Variants in ZRANB3 observed in about 807,000 individuals in gnomAD.
ZRANB3 encodes zinc finger RANBP2-type containing 3, also known as DNA annealing helicase and endonuclease ZRANB3.
Under a neutral mutation model 133.8 loss-of-function variants are expected in ZRANB3, and 125 were observed. That is an observed-to-expected ratio of 0.93 (90% confidence interval 0.81 to 1.08). The LOEUF is 1.08. ZRANB3 is among the 50% of genes least tolerant of loss of function. ZRANB3 has a pLI of 0.00. For missense variants in ZRANB3, 1,229 were observed against 1,275.5 expected, an observed-to-expected ratio of 0.96 and a Z score of 0.56; for synonymous variants, 387 against 432.7, an observed-to-expected ratio of 0.89 and a Z score of 1.31.
intron 3 of ZRANB3, among the ~76,000 whole-genome samples, chr2:135,369,994 C>T (rs998141560): frequency 3.3e-5 from 5 of 151,388 alleles, no homozygotes; most frequent in African/African-American, 1.2e-4. Context: ...AGCTATACAC[C>T]CCCACTCATC....
chr2:135,381,968 C>G (rs1448074152), intron 3 of ZRANB3, among the ~76,000 whole-genome samples: 5 of 152,202 alleles, frequency 3.3e-5, no homozygotes, highest in African/African-American at 1.2e-4. Context: ...AGCCCCTCAC[C>G]AGCAACAGAA....
chr2:135,388,023 C>T (rs574273352), intron 3 of ZRANB3, among the ~76,000 whole-genome samples: 19 of 152,208 alleles, frequency 1.2e-4, no homozygotes, highest in African/African-American at 4.3e-4. Flanking sequence ...AAGACATACC[C>T]GAGTCTGGGT....
In ZRANB3 at chr2:135,202,881, T is replaced by C. The variant is rs1693680831; in HGVS notation, c.3092A>G (p.Gln1031Arg). 6.2e-7 allele frequency: 1 copy of C among 1,611,610 alleles called. No homozygotes were observed. Among genetic ancestry groups the C allele is most frequent in the Admixed American group, 1.7e-5 (1 of 59,732 alleles). ...AGTCTGCAGGTTGTCCAGGGAACAC[T>C]GTCCTCCTCCCCCATACACTGGCTT... ...HIKPVYGGGGQCSLDNLQTLC... is the reference protein window; with the variant it reads ...HIKPVYGGGGRCSLDNLQTLC... The change falls in exon 20 of 21, where the codon CAG (glutamine) becomes CGG (arginine). Residue 1031 changes from glutamine (Q) to arginine (R), a missense_variant. Transcript: ENST00000264159.
At chr2:135,524,587 C>T (rs1694075954) in intron 1 of ZRANB3, among the ~76,000 whole-genome samples, 1 of 151,952 alleles carries the variant, frequency 6.6e-6, no homozygotes, top group Non-Finnish European at 1.5e-5. Context: ...AAAAATCTAA[C>T]TAATAAATTA....
chr2:135,434,790 T>C (rs1689461265), intron 2 of ZRANB3, among the ~76,000 whole-genome samples: 1 of 152,218 alleles, frequency 6.6e-6, no homozygotes, highest in South Asian at 2.1e-4. Context: ...ACATTATATA[T>C]GCATTCTTAA....
chr2:135,357,263 G>A (rs1427765896), intron 3 of ZRANB3, among the ~76,000 whole-genome samples: 2 of 151,896 alleles, frequency 1.3e-5, no homozygotes, highest in East Asian at 3.9e-4. Flanking sequence ...ACCACGCCTG[G>A]CTAATTTTTG....
chr2:135,295,026 T>C (rs1300439982), intron 8 of ZRANB3, among the ~76,000 whole-genome samples: 19 of 152,114 alleles, frequency 1.2e-4, no homozygotes, highest in Admixed American at 1.1e-3. Context: ...ACTATGTGGT[T>C]AATTTTGGGA....
At chr2:135,406,135 G>C (rs1008154088) in intron 2 of ZRANB3, among the ~76,000 whole-genome samples, 2 of 151,792 alleles carry the variant, frequency 1.3e-5, no homozygotes, top group Non-Finnish European at 2.9e-5. Flanking sequence ...AATGACGAAG[G>C]GGATATCACC....
At chr2:135,435,778 G>A (rs545022610) in intron 2 of ZRANB3, among the ~76,000 whole-genome samples, 26 of 152,248 alleles carry the variant, frequency 1.7e-4, no homozygotes, top group South Asian at 6.2e-4. Context: ...TTGGCCGTAC[G>A]TATGTCTTCT....
intron 12 of ZRANB3, among the ~76,000 whole-genome samples, chr2:135,253,178 G>A (rs1679485130): frequency 6.6e-6 from 1 of 152,328 alleles, no homozygotes; most frequent in South Asian, 2.1e-4. Flanking sequence ...AAGGTCAAAA[G>A]TAGACTTCCT....
intron 8 of ZRANB3, among the ~76,000 whole-genome samples, chr2:135,300,216 C>T (rs1313287824): frequency 6.6e-6 from 1 of 152,170 alleles, no homozygotes; most frequent in Non-Finnish European, 1.5e-5. Context: ...CTAAACACCA[C>T]AAATAATGAG....
chr2:135,432,165 G>A (rs570847555), intron 2 of ZRANB3, among the ~76,000 whole-genome samples: 2 of 152,098 alleles, frequency 1.3e-5, no homozygotes, highest in African/African-American at 2.4e-5. Flanking sequence ...CAGGAGAATC[G>A]CTTGAACCCA....
intron 2 of ZRANB3, among the ~76,000 whole-genome samples, chr2:135,473,619 G>A (rs1376599423): frequency 1.3e-5 from 2 of 151,900 alleles, no homozygotes; most frequent in African/African-American, 2.4e-5. Flanking sequence ...TTTCATAATA[G>A]TGTATCATTC....
Position 135,230,899 on chromosome 2 carries a change from C to A in ZRANB3, c.1568G>T (p.Arg523Leu). Residue 523 changes from arginine to leucine, a missense_variant, in exon 13 of 21, where the codon CGA (arginine) becomes CTA (leucine). Physicochemically the swap from Arg to Leu is moderately radical, Grantham distance 102. Coordinates refer to ENST00000264159, the MANE Select transcript of ZRANB3 (RefSeq NM_032143.4). ...HFEKEKQHDI[R>L]SFFVPQPKKR... Reference sequence around the variant, plus strand: ...TTTAGGTTGTGGTACAAAAAATGATCGAATATCATGCTGTTTTTCTTTTTC... The same window carrying A: ...TTTAGGTTGTGGTACAAAAAATGATAGAATATCATGCTGTTTTTCTTTTTC... 4 of 1,571,938 alleles carry A rather than the reference C, an allele frequency of 2.5e-6. No homozygotes were observed. Among genetic ancestry groups the A allele is most frequent in the Non-Finnish European group, 3.4e-6 (4 of 1,161,130 alleles).
Position 135,270,250 on chromosome 2 carries a change from A to G in ZRANB3, c.1207-1109T>C, listed in dbSNP as rs549152360. Among the ~76,000 whole-genome samples, 33 of 152,326 alleles carry G rather than the reference A, an allele frequency of 2.2e-4. No individual in the cohort carries two copies. The South Asian group carries it at 6.4e-3, about 30-fold the overall frequency. Reference sequence around the variant, plus strand: ...TAGTATTTAAGGAGAGACATCTTTAATTTTATAAAAAACATCATTTGATTA... The same window carrying G: ...TAGTATTTAAGGAGAGACATCTTTAGTTTTATAAAAAACATCATTTGATTA... On this transcript the variant is annotated intron_variant, in intron 10 of 20. Transcript: ENST00000264159.
At chr2:135,270,543 C>A (rs1014841314) in intron 10 of ZRANB3, among the ~76,000 whole-genome samples, 2 of 152,156 alleles carry the variant, frequency 1.3e-5, no homozygotes, top group Admixed American at 1.3e-4. Context: ...AGCACCTCCC[C>A]AGCTCTAAGT....
chr2:135,230,840 T>C lies in ZRANB3; in HGVS notation c.1627A>G (p.Lys543Glu). The C allele has an allele frequency of 1.2e-6, 2 of 1,613,238 alleles. No homozygotes were observed. Among genetic ancestry groups the C allele is most frequent in the East Asian group, 2.2e-5 (1 of 44,856 alleles). ...RQLMTSCDES[K>E]RFREENTVVS... ...ACAGTATTTTCCTCCCGGAATCTCT[T>C]TGATTCGTCACAGGAGGTCATCAAC... The change falls in exon 13 of 21, where the codon AAG (lysine) becomes GAG (glutamate). Residue 543 changes from lysine to glutamate, a missense_variant. Coordinates refer to ENST00000264159, the MANE Select transcript of ZRANB3 (RefSeq NM_032143.4).
chr2:135,408,231 T>C (rs990637389), intron 2 of ZRANB3, among the ~76,000 whole-genome samples: 3 of 152,076 alleles, frequency 2.0e-5, no homozygotes, highest in African/African-American at 7.2e-5. Context: ...AAAATGCTCA[T>C]CATCACTGCT....
At chr2:135,234,113 T>C (rs1201888521) in intron 12 of ZRANB3, among the ~76,000 whole-genome samples, 1 of 151,472 alleles carries the variant, frequency 6.6e-6, no homozygotes, top group East Asian at 1.9e-4. Context: ...ACCAAGCAAA[T>C]GGAAAACAAA....
Sources: gnomAD v4.1 joint callset for allele counts (sites outside exome capture counted in the v4.1 genomes callset) on GRCh38, gnomAD v4.1.1 for gene constraint, MANE v1.5 for transcripts, NCBI Gene and HGNC (gene_info 2026-07-23, HGNC 2026-07-21) for gene names.